PLCD4: variants seen among roughly 807,000 people sequenced by gnomAD.
The protein encoded by PLCD4 is 1-phosphatidylinositol 4,5-bisphosphate phosphodiesterase delta-4.
Under a neutral mutation model 90.2 loss-of-function variants are expected in PLCD4, and 63 were observed. The ratio of observed to expected loss-of-function variants is 0.70; its 90% CI spans 0.57 to 0.86. The LOEUF (loss-of-function observed/expected upper bound fraction) is 0.86, where lower values mean the gene tolerates loss of function less well. PLCD4 is among the 40% of genes least tolerant of loss of function. The pLI is 0.00. For synonymous variants in PLCD4, 294 were observed against 356.5 expected (o/e 0.82, Z 1.97); for missense variants, 830 against 956.3 (o/e 0.87, Z 1.74).
rs773965651 is a variant in PLCD4, at chr2:218,636,470, G to A, written c.2183-1G>A. The A allele has an allele frequency of 6.2e-7, 1 of 1,613,976 alleles. No homozygotes were observed. Among genetic ancestry groups the A allele is most frequent in the South Asian group, 1.1e-5 (1 of 91,084 alleles). The stretch of plus-strand genomic sequence containing the variant: ...TAATGCTGTCCTCCTGCCCCTTCCA[G>A]GTTACCGCCACATTCACCTGCTGTC... On this transcript the variant is annotated splice_acceptor_variant, in intron 15 of 15. Transcript: ENST00000450993. LOFTEE classifies it high-confidence loss of function.
intron 1 of PLCD4, among the ~76,000 whole-genome samples, chr2:218,611,366 G>A (rs1368388731): frequency 6.6e-6 from 1 of 152,134 alleles, no homozygotes; most frequent in Non-Finnish European, 1.5e-5. Context: ...CAGGCACTTG[G>A]GCTCGGTTCT....
chr2:218,631,062 T>C (rs908789707), intron 9 of PLCD4, among the ~76,000 whole-genome samples: 3 of 152,234 alleles, frequency 2.0e-5, no homozygotes, highest in Non-Finnish European at 4.4e-5. Context: ...CTTGATTTTT[T>C]TCTGGTAGTT....
chr2:218,631,417 G>T (rs1393299705), intron 9 of PLCD4, among the ~76,000 whole-genome samples: 4 of 152,084 alleles, frequency 2.6e-5, no homozygotes, highest in African/African-American at 9.7e-5. Flanking sequence ...ACCCTCCTCA[G>T]CCTCCCAAAG....
intron 3 of PLCD4, among the ~76,000 whole-genome samples, chr2:218,617,297 C>T (rs976330254): frequency 6.7e-5 from 10 of 148,742 alleles, no homozygotes; most frequent in African/African-American, 2.5e-4. Flanking sequence ...AAAAATGCGG[C>T]TGGGTGTGGT....
chr2:218,635,911 C>A lies in PLCD4; in HGVS notation c.2012C>A (p.Thr671Asn). ...CGTCTAGACACAGCACGGCAGGAGA[C>A]CAACTATGTGGAGAACAATGGTGAG... ...GVRLDTARQE[T>N]NYVENNGFNP... The change falls in exon 14 of 16, where the codon ACC becomes AAC. Residue 671 changes from threonine to asparagine, a missense_variant. Physicochemically the swap from Thr to Asn is moderately conservative, Grantham distance 65. Transcript: ENST00000450993. The A allele has an allele frequency of 6.2e-7, 1 of 1,613,936 alleles. No homozygotes were observed. The highest frequency in any genetic ancestry group is 8.5e-7 in the Non-Finnish European group (1 of 1,179,880).
At position 218,627,036 on chromosome 2, in the gene PLCD4, G is replaced by A. The variant is rs147900779; in HGVS notation, c.773-993G>A. Among the ~76,000 whole-genome samples the A allele has an allele frequency of 4.1e-3, 624 of 151,996 alleles. 3 individuals carry two copies. The highest frequency in any genetic ancestry group is 0.014 in the African/African-American group (599 of 41,468). On this transcript the variant is annotated intron_variant, in intron 6 of 15. Coordinates refer to ENST00000450993, the MANE Select transcript of PLCD4 (RefSeq NM_032726.4). ...TGGGAGGCCAAGGCAGGCGGATCAC[G>A]AGGTCAGGAGATGGAGACCATCCTG...
chr2:218,616,754 C>CATACATACA (rs1431851059), intron 3 of PLCD4, among the ~76,000 whole-genome samples: 3 of 149,428 alleles, frequency 2.0e-5, no homozygotes, highest in Non-Finnish European at 4.5e-5. Context: ...TACATACATA[C>CATACATACA]ATCAAGCTTC....
Position 218,622,709 on chromosome 2 carries a change from A to G in PLCD4, c.603A>G (p.Ala201=). 6.2e-7 allele frequency: 1 copy of G among 1,614,060 alleles called. No individual in the cohort carries two copies. The highest frequency in any genetic ancestry group is 1.3e-5 in the African/African-American group (1 of 75,064). ...AAGAATTCGTACAGTTCTATAAGGC[A>G]TTGACTAAACGTGCTGAGGTGCAGG... ...EGEEFVQFYK[A]LTKRAEVQEL... is the part of the protein sequence containing the mutation. The change falls in exon 6 of 16, where the codon GCA becomes GCG. Residue 201 remains alanine, a synonymous_variant. Transcript: ENST00000450993.
In PLCD4 at chr2:218,621,606, C is replaced by T; in HGVS notation, c.540+7C>T. On this transcript the variant is annotated splice_region_variant and intron_variant, in intron 5 of 15. Transcript: ENST00000450993. ...TGCCTTCAGTCTTTTTCAGGTGAGTCTGTGGGGAAGGATTTCCAGCGGCCA... is the reference window on the plus strand; with the variant it reads ...TGCCTTCAGTCTTTTTCAGGTGAGTTTGTGGGGAAGGATTTCCAGCGGCCA... The T allele has an allele frequency of 6.2e-7, 1 of 1,613,486 alleles. No individual in the cohort carries two copies.
Position 218,632,134 on chromosome 2 carries a change from A to G in PLCD4, c.1273-2A>G. 1 of 1,602,522 alleles carries G rather than the reference A, an allele frequency of 6.2e-7. No individual in the cohort carries two copies. Among genetic ancestry groups the G allele is most frequent in the Non-Finnish European group, 8.5e-7 (1 of 1,174,852 alleles). ...ACAGGCCCCTTCATTTTTGTCCCCTAGGAGCTTCGGAGGAAGATCCTGGTG... is the reference window on the plus strand; with the variant it reads ...ACAGGCCCCTTCATTTTTGTCCCCTGGGAGCTTCGGAGGAAGATCCTGGTG... On this transcript the variant is annotated splice_acceptor_variant, in intron 9 of 15. Coordinates refer to ENST00000450993, the MANE Select transcript of PLCD4 (RefSeq NM_032726.4). LOFTEE classifies it high-confidence loss of function.
intron 6 of PLCD4, among the ~76,000 whole-genome samples, chr2:218,625,114 CAAAAAAAA>C (rs11325307): frequency 9.7e-5 from 6 of 61,924 alleles, no homozygotes; most frequent in African/African-American, 3.7e-4. Context: ...GACTCTGTTT[CAAAAAAAA>C]AAAAAAAAAA....
chr2:218,621,421 TG>T (rs763443371), intron 4 of PLCD4, 48 bp from the exon 5 acceptor site: 4 of 1,609,478 alleles, frequency 2.5e-6, no homozygotes, highest in Non-Finnish European at 2.5e-6. Context: ...CACACACAAC[TG>T]CACACACAAA....
At chr2:218,613,136 A>T (rs1434999736) in intron 1 of PLCD4, among the ~76,000 whole-genome samples, 1 of 152,136 alleles carries the variant, frequency 6.6e-6, no homozygotes, top group Non-Finnish European at 1.5e-5. Flanking sequence ...CATGCCTGTA[A>T]TCCCGGCACT....
At chr2:218,632,684 A>T (rs1407209045) in intron 10 of PLCD4, among the ~76,000 whole-genome samples, 1 of 152,064 alleles carries the variant, frequency 6.6e-6, no homozygotes, top group East Asian at 1.9e-4. Context: ...AAAACCAGTG[A>T]TGAGCGGGTG....
intron 10 of PLCD4, 30 bp from the exon 11 acceptor site, chr2:218,633,575 C>G (rs1158526226): frequency 6.2e-7 from 1 of 1,607,916 alleles, no homozygotes. Context: ...GCTGAGGGTT[C>G]AATTCCATCT....
intron 6 of PLCD4, among the ~76,000 whole-genome samples, chr2:218,627,804 G>A (rs1352014332): frequency 1.3e-5 from 2 of 152,182 alleles, no homozygotes; most frequent in East Asian, 3.9e-4. Flanking sequence ...GAGGCACCGC[G>A]CCCAGCCTTG....
At chr2:218,617,028 GATCTC>G (rs534534084) in intron 3 of PLCD4, among the ~76,000 whole-genome samples, 3,401 of 131,570 alleles carry the variant, frequency 0.026, 234 homozygotes, top group African/African-American at 0.092. Flanking sequence ...GCAGTGGCGT[GATCTC>G]AGCTCACTGC....
chr2:218,629,932 C>T (rs1031456720), intron 8 of PLCD4, among the ~76,000 whole-genome samples: 21 of 152,194 alleles, frequency 1.4e-4, no homozygotes, highest in African/African-American at 3.6e-4. Flanking sequence ...AATCCCAGCA[C>T]TCTGGGAGGC....
intron 5 of PLCD4, among the ~76,000 whole-genome samples, chr2:218,621,948 C>T (rs1408630184): frequency 2.6e-5 from 4 of 151,700 alleles, no homozygotes; most frequent in Non-Finnish European, 5.9e-5. Context: ...GGTGTGGTTG[C>T]GGGTGCCTGT....
Sources: allele counts gnomAD v4.1 joint callset (sites outside exome capture counted in the v4.1 genomes callset), GRCh38; gene constraint gnomAD v4.1.1; transcripts MANE v1.5; gene names NCBI Gene and HGNC (gene_info 2026-07-23, HGNC 2026-07-21).